Variants in OPCML observed in about 807,000 individuals in gnomAD.
OPCML encodes opioid binding protein/cell adhesion molecule like, also known as opioid-binding protein/cell adhesion molecule.
Under a neutral mutation model 37.8 loss-of-function variants are expected in OPCML, and 13 were observed. The observed-to-expected ratio is 0.34, with a 90% CI of 0.22 to 0.55. The LOEUF is 0.55. OPCML is among the 20% of genes least tolerant of loss of function. The pLI, the probability that OPCML is intolerant of heterozygous loss-of-function variation, is 0.91. For synonymous variants in OPCML, 176 were observed against 168.8 expected, an observed-to-expected ratio of 1.04 and a Z score of -0.33; for missense variants, 341 against 435.6, an observed-to-expected ratio of 0.78 and a Z score of 1.93.
chr11:133,101,418 A>G, intron 1 of OPCML, among the ~76,000 whole-genome samples: 1 of 152,356 alleles, frequency 6.6e-6, no homozygotes, highest in East Asian at 1.9e-4. Context: ...AAAATATAGA[A>G]ACAATTCTTA....
At chr11:132,895,385 C>T (rs1943800132) in intron 2 of OPCML, among the ~76,000 whole-genome samples, 1 of 152,226 alleles carries the variant, frequency 6.6e-6, no homozygotes, top group South Asian at 2.1e-4. Flanking sequence ...CCCAGCTCTA[C>T]ATAAATAGCT....
chr11:132,952,182 G>A (rs982833260), intron 1 of OPCML, among the ~76,000 whole-genome samples: 3 of 152,154 alleles, frequency 2.0e-5, no homozygotes, highest in African/African-American at 7.2e-5. Context: ...TGGAGTGGCC[G>A]AGAAGACATG....
At chr11:133,499,785 T>TACACAC (rs1490954637) in intron 1 of OPCML, among the ~76,000 whole-genome samples, 43 of 141,930 alleles carry the variant, frequency 3.0e-4, no homozygotes, top group African/African-American at 1.1e-3. Flanking sequence ...TATATATATA[T>TACACAC]ATACACATAT....
At chr11:132,637,140 T>TA (rs1940554258) in intron 3 of OPCML, among the ~76,000 whole-genome samples, 1 of 10,724 alleles carries the variant, frequency 9.3e-5, no homozygotes, top group African/African-American at 2.1e-3. Context: ...AGGAATTAGA[T>TA]TTTTTTTTTT....
At chr11:132,998,101 C>A (rs1330947524) in intron 1 of OPCML, among the ~76,000 whole-genome samples, 1 of 152,168 alleles carries the variant, frequency 6.6e-6, no homozygotes, top group Non-Finnish European at 1.5e-5. Context: ...CTTCAAGGTG[C>A]AGTTAAAATG....
intron 1 of OPCML, among the ~76,000 whole-genome samples, chr11:133,071,018 T>C (rs1205949364): frequency 6.6e-6 from 1 of 152,216 alleles, no homozygotes; most frequent in East Asian, 1.9e-4. Context: ...CAGAGGGAGC[T>C]TGGGAGAGAG....
chr11:132,883,369 T>C (rs1211103892), intron 2 of OPCML, among the ~76,000 whole-genome samples: 1 of 152,046 alleles, frequency 6.6e-6, no homozygotes, highest in East Asian at 1.9e-4. Flanking sequence ...ACAGGTGAAT[T>C]AGGAACACAC....
chr11:132,937,823 G>C (rs1283114914), intron 2 of OPCML, among the ~76,000 whole-genome samples: 1 of 151,910 alleles, frequency 6.6e-6, no homozygotes, highest in African/African-American at 2.4e-5. Context: ...TGCAGAGACA[G>C]GTATGCTTTC....
chr11:132,519,856 AAAG>A (rs1252605949), intron 4 of OPCML, among the ~76,000 whole-genome samples: 1 of 152,188 alleles, frequency 6.6e-6, no homozygotes, highest in Non-Finnish European at 1.5e-5. Flanking sequence ...GGAGAGAGAC[AAAG>A]AAGTAGTAGC....
intron 1 of OPCML, among the ~76,000 whole-genome samples, chr11:133,105,807 C>T (rs112409767): frequency 0.015 from 2,290 of 151,988 alleles, 50 homozygotes; most frequent in African/African-American, 0.053. Flanking sequence ...ATGGTGAAAC[C>T]CCATCTCTAC....
intron 2 of OPCML, among the ~76,000 whole-genome samples, chr11:132,830,018 A>T (rs1040364123): frequency 8.5e-5 from 13 of 152,200 alleles, no homozygotes; most frequent in African/African-American, 3.1e-4. Context: ...ACTATAGCAC[A>T]ATGAATCCGG....
At chr11:133,465,132 T>C (rs956328561) in intron 1 of OPCML, among the ~76,000 whole-genome samples, 6 of 152,166 alleles carry the variant, frequency 3.9e-5, no homozygotes, top group African/African-American at 1.4e-4. Context: ...CAGAACTTAA[T>C]TCCTTCTGAA....
chr11:133,532,206 T>C (rs1027985160), intron 1 of OPCML, 58 bp downstream of exon 1: 3 of 1,589,194 alleles, frequency 1.9e-6, no homozygotes, highest in Admixed American at 1.8e-5. Flanking sequence ...CTGCCTCTCC[T>C]GCTCTCACGT....
intron 2 of OPCML, among the ~76,000 whole-genome samples, chr11:132,809,954 A>G (rs1432316106): frequency 6.6e-6 from 1 of 152,088 alleles, no homozygotes; most frequent in Non-Finnish European, 1.5e-5. Flanking sequence ...GGTTCACGCC[A>G]TTCTCCTGCC....
intron 1 of OPCML, among the ~76,000 whole-genome samples, chr11:133,493,960 C>T (rs1947723515): frequency 6.6e-6 from 1 of 151,714 alleles, no homozygotes; most frequent in Admixed American, 6.6e-5. Flanking sequence ...ACATCCTACT[C>T]ATCTGACAAA....
chr11:133,128,293 C>T (rs138674764), intron 1 of OPCML, among the ~76,000 whole-genome samples: 30 of 152,302 alleles, frequency 2.0e-4, no homozygotes, highest in Admixed American at 1.8e-3. Context: ...AGATTCATTG[C>T]TCTTCTGACA....
Position 132,942,954 on chromosome 11 carries a change from C to A in OPCML, c.118G>T (p.Val40Phe). The A allele has an allele frequency of 6.2e-7, 1 of 1,614,118 alleles. No individual in the cohort carries two copies. Among genetic ancestry groups the A allele is most frequent in the Non-Finnish European group, 8.5e-7 (1 of 1,180,008 alleles). Reference protein sequence around the residue: ...TFPKAMDNVTVRQGESATLRC... With the variant: ...TFPKAMDNVTFRQGESATLRC... ...AGGGTGGCGCTCTCCCCCTGCCGGACCGTCACGTTGTCCATAGCTTTGGGG... is the reference window on the plus strand; with the variant it reads ...AGGGTGGCGCTCTCCCCCTGCCGGAACGTCACGTTGTCCATAGCTTTGGGG... Residue 40 changes from valine to phenylalanine, a missense_variant, in exon 2 of 8, where the codon GTC (valine) becomes TTC (phenylalanine). By Grantham distance (50) the Val-to-Phe change is conservative. Transcript: ENST00000524381.
intron 1 of OPCML, among the ~76,000 whole-genome samples, chr11:133,371,562 T>C (rs966598532): frequency 3.9e-5 from 6 of 152,188 alleles, no homozygotes; most frequent in African/African-American, 1.4e-4. Context: ...TCACCAGATC[T>C]GATGGTTTCA....
chr11:133,026,261 T>C (rs1232627571), intron 1 of OPCML, among the ~76,000 whole-genome samples: 3 of 152,200 alleles, frequency 2.0e-5, no homozygotes, highest in African/African-American at 7.2e-5. Flanking sequence ...TGCACTCAAA[T>C]GCATACATGT....
Sources: gnomAD v4.1 joint callset for allele counts (sites outside exome capture counted in the v4.1 genomes callset) on GRCh38, gnomAD v4.1.1 for gene constraint, MANE v1.5 for transcripts, NCBI Gene and HGNC (gene_info 2026-07-23, HGNC 2026-07-21) for gene names.